The following DNAH14 variants were observed in gnomAD, a reference collection of about 807,000 sequenced individuals.
DNAH14 encodes axonemal beta dynein heavy chain 14.
In DNAH14, 478 loss-of-function variants were observed where a neutral mutation model predicts 520.9. The observed-to-expected ratio is 0.92, with a 90% confidence interval of 0.85 to 0.99. The LOEUF (loss-of-function observed/expected upper bound fraction) is 0.99. Among genes scored for constraint, DNAH14 ranks in the 50% least tolerant of loss-of-function variants. The pLI, the probability that DNAH14 is intolerant of heterozygous loss-of-function variation, is 0.00. For synonymous variants in DNAH14, 1,581 were observed against 1,757.2 expected (o/e 0.90, Z 2.51); for missense variants, 4,831 against 5,234.5 (o/e 0.92, Z 2.38).
intron 54 of DNAH14, among the ~76,000 whole-genome samples, chr1:225,285,503 C>T (rs935962737): frequency 1.3e-4 from 20 of 152,136 alleles, no homozygotes; most frequent in Non-Finnish European, 1.0e-4. Context: ...CAAGATAGCG[C>T]CACTGCACTC....
chr1:225,017,587 A>T (rs1343867178), intron 10 of DNAH14, among the ~76,000 whole-genome samples: 1 of 152,154 alleles, frequency 6.6e-6, no homozygotes, highest in Admixed American at 6.5e-5. Context: ...ACAGCCTCCC[A>T]CCAGAGCATG....
chr1:225,364,724 TATGATTCTAAAAAC>T, intron 75 of DNAH14, 54 bp from the exon 76 acceptor site: 3 of 1,163,552 alleles, frequency 2.6e-6, no homozygotes, highest in Non-Finnish European at 2.4e-6. Context: ...AGTGAAATGC[TATGATTCTAAAAAC>T]ATGTTGGTTT....
intron 54 of DNAH14, among the ~76,000 whole-genome samples, chr1:225,284,163 A>G (rs2093687039): frequency 6.6e-6 from 1 of 152,000 alleles, no homozygotes; most frequent in Non-Finnish European, 1.5e-5. Context: ...ATTAGAGAAG[A>G]AAGTAGAGAA....
Position 225,252,422 on chromosome 1 carries a change from G to A in DNAH14, c.6865+5G>A. The A allele has an allele frequency of 7.0e-7, 1 of 1,418,836 alleles. No individual in the cohort carries two copies. Among genetic ancestry groups the A allele is most frequent in the Non-Finnish European group, 9.7e-7 (1 of 1,028,896 alleles). The allele number at this position is 1,418,836 out of a possible 1,614,324, so 87.9% of individuals were successfully genotyped here. A position where few individuals can be genotyped will look rare whatever the true frequency, so the allele number is the denominator to read the frequency against. On this transcript the variant is annotated splice_donor_5th_base_variant and intron_variant, in intron 44 of 85. Transcript: ENST00000682510. Reference sequence around the variant, plus strand: ...ATCAGACACTAATTCAAAGAGGTAAGAATAATTATAAGAATCATACTTGTA... The same window carrying A: ...ATCAGACACTAATTCAAAGAGGTAAAAATAATTATAAGAATCATACTTGTA...
chr1:225,181,950 G>A (rs1311418629), intron 36 of DNAH14, among the ~76,000 whole-genome samples: 14 of 152,184 alleles, frequency 9.2e-5, no homozygotes, highest in Admixed American at 9.2e-4. Context: ...ACTTGGGGAG[G>A]CCGAGACAGG....
At chr1:224,943,657 C>G (rs2059586489) in intron 1 of DNAH14, among the ~76,000 whole-genome samples, 2 of 152,132 alleles carry the variant, frequency 1.3e-5, no homozygotes, top group Admixed American at 6.5e-5. Flanking sequence ...CCTCTACACA[C>G]TGCTTTGAGT....
intron 66 of DNAH14, 63 bp downstream of exon 66, chr1:225,333,569 ATG>A: frequency 7.1e-7 from 1 of 1,416,572 alleles, no homozygotes; most frequent in South Asian, 1.3e-5. Context: ...TTTTAGCTGT[ATG>A]TGTAGTTTCG....
chr1:224,943,710 G>A (rs1017780670), intron 1 of DNAH14, among the ~76,000 whole-genome samples: 11 of 152,118 alleles, frequency 7.2e-5, no homozygotes, highest in Non-Finnish European at 1.2e-4. Context: ...GTTCTCGTTG[G>A]TTTCAAAGAA....
At chr1:225,109,965 G>T (rs960932736) in intron 23 of DNAH14, among the ~76,000 whole-genome samples, 4 of 152,164 alleles carry the variant, frequency 2.6e-5, no homozygotes, top group African/African-American at 9.6e-5. Context: ...TCTTTATTCT[G>T]TTGATATGAT....
intron 77 of DNAH14, among the ~76,000 whole-genome samples, chr1:225,368,723 A>T (rs1384959913): frequency 2.0e-5 from 3 of 152,160 alleles, no homozygotes; most frequent in African/African-American, 7.2e-5. Flanking sequence ...TTCTGAGGAA[A>T]ATCTTGATTC....
chr1:225,115,360 A>T (rs1387074591), intron 23 of DNAH14, among the ~76,000 whole-genome samples: 1 of 152,246 alleles, frequency 6.6e-6, no homozygotes, highest in African/African-American at 2.4e-5. Flanking sequence ...TTATGAGTCT[A>T]TAAATTACTG....
chr1:225,067,071 C>T (rs978363142), intron 17 of DNAH14, among the ~76,000 whole-genome samples: 3 of 152,014 alleles, frequency 2.0e-5, no homozygotes, highest in Admixed American at 1.3e-4. Context: ...ATTATTTCAT[C>T]AGCCAGGTAT....
chr1:225,158,843 G>A (rs1011448400), intron 34 of DNAH14, among the ~76,000 whole-genome samples: 1 of 152,198 alleles, frequency 6.6e-6, no homozygotes. Flanking sequence ...CATCAGTCAT[G>A]TATTGGTATG....
chr1:225,337,493 G>A lies in DNAH14; in HGVS notation c.10308G>A (p.Leu3436=). 4 of 1,551,346 alleles carry A rather than the reference G, an allele frequency of 2.6e-6. No individual in the cohort carries two copies. In the South Asian group the frequency reaches 4.8e-5, roughly 18 times the overall value. ...TGAAGACAGGAGGGAGTGTCCTCCTGCAGGTAAGTGGGCAGTATGGCCTAA... is the reference window on the plus strand; with the variant it reads ...TGAAGACAGGAGGGAGTGTCCTCCTACAGGTAAGTGGGCAGTATGGCCTAA... ...NAMKTGGSVL[L]QNLLETLAPG... Residue 3436 remains leucine, a synonymous_variant, in exon 67 of 86, where the codon CTG becomes CTA. Transcript: ENST00000682510.
chr1:225,186,366 G>T (rs1370471261), intron 37 of DNAH14, among the ~76,000 whole-genome samples: 2 of 151,678 alleles, frequency 1.3e-5, no homozygotes, highest in Admixed American at 6.6e-5. Flanking sequence ...AATAAGAGGT[G>T]AATTATCACA....
At chr1:225,335,491 G>C (rs1483881925) in intron 66 of DNAH14, among the ~76,000 whole-genome samples, 1 of 80,948 alleles carries the variant, frequency 1.2e-5, no homozygotes. Context: ...ACATATACAC[G>C]TGTGTACATG....
chr1:225,024,991 T>C (rs1425037048), intron 11 of DNAH14, among the ~76,000 whole-genome samples: 5 of 152,246 alleles, frequency 3.3e-5, no homozygotes, highest in Admixed American at 3.3e-4. Flanking sequence ...TACTAATTTA[T>C]AGCTCGTTTT....
intron 8 of DNAH14, among the ~76,000 whole-genome samples, chr1:224,989,820 G>A (rs1299323064): frequency 1.3e-5 from 2 of 151,986 alleles, no homozygotes; most frequent in Non-Finnish European, 2.9e-5. Flanking sequence ...ATTTGATCAC[G>A]TGATTTTTTT....
intron 2 of DNAH14, chr1:224,954,328 A>G (rs1312640088): frequency 6.6e-6 from 1 of 152,176 alleles, no homozygotes; most frequent in Non-Finnish European, 1.5e-5. Flanking sequence ...TTTCTTTAAT[A>G]TACCAATAAA....
Sources: gnomAD v4.1 joint callset for allele counts (sites outside exome capture counted in the v4.1 genomes callset) on GRCh38, gnomAD v4.1.1 for gene constraint, MANE v1.5 for transcripts, NCBI Gene and HGNC (gene_info 2026-07-23, HGNC 2026-07-21) for gene names.